Variants in EFCAB11 observed in about 807,000 individuals in gnomAD.
EFCAB11 encodes the protein EF-hand calcium binding domain 11, also known as EF-hand calcium-binding domain-containing protein 11.
Under a neutral mutation model 23.0 loss-of-function variants are expected in EFCAB11, and 14 were observed. That is an observed-to-expected ratio of 0.61 (90% CI 0.40 to 0.95). EFCAB11 has a LOEUF of 0.95. Among genes scored for constraint, EFCAB11 ranks in the 40% least tolerant of loss-of-function variants. The pLI, the probability that EFCAB11 is intolerant of heterozygous loss-of-function variation, is 0.00. For missense variants in EFCAB11, 198 were observed against 195.8 expected (o/e 1.01, Z -0.07); for synonymous variants, 65 against 66.6 (o/e 0.98, Z 0.11).
chr14:89,847,224 T>C (rs1887457183), intron 5 of EFCAB11, among the ~76,000 whole-genome samples: 1 of 152,198 alleles, frequency 6.6e-6, no homozygotes, highest in Non-Finnish European at 1.5e-5. Flanking sequence ...CCTGATGGCA[T>C]CCAAAACTGC....
chr14:89,953,010 T>G (rs1891230962), intron 2 of EFCAB11, among the ~76,000 whole-genome samples: 2 of 152,288 alleles, frequency 1.3e-5, no homozygotes, highest in Non-Finnish European at 1.5e-5. Flanking sequence ...CTTGCCCTAC[T>G]CAAGCAGGAG....
chr14:89,898,675 T>TC (rs891657647), intron 5 of EFCAB11, among the ~76,000 whole-genome samples: 15 of 149,992 alleles, frequency 1.0e-4, no homozygotes, highest in African/African-American at 3.7e-4. Flanking sequence ...TCTTTTTTTT[T>TC]TTTTTTTTTT....
chr14:89,895,742 A>G (rs1473099247), intron 5 of EFCAB11, among the ~76,000 whole-genome samples: 1 of 152,216 alleles, frequency 6.6e-6, no homozygotes, highest in East Asian at 1.9e-4. Context: ...GGGGTAATGA[A>G]GGGTTTCTTA....
At chr14:89,922,167 T>C (rs1214248639) in intron 5 of EFCAB11, among the ~76,000 whole-genome samples, 1 of 152,158 alleles carries the variant, frequency 6.6e-6, no homozygotes, top group Non-Finnish European at 1.5e-5. Flanking sequence ...TATTCAGCCA[T>C]ATATGTAGAT....
intron 5 of EFCAB11, among the ~76,000 whole-genome samples, chr14:89,926,559 A>G (rs757918104): frequency 1.1e-4 from 16 of 152,222 alleles, no homozygotes; most frequent in South Asian, 4.1e-4. Flanking sequence ...GCCAAATTGG[A>G]TGCAGCACAA....
intron 5 of EFCAB11, among the ~76,000 whole-genome samples, chr14:89,832,885 G>A (rs905748549): frequency 3.3e-5 from 5 of 151,946 alleles, no homozygotes; most frequent in African/African-American, 9.7e-5. Context: ...TAAAAGTCAC[G>A]GACCATTTGT....
chr14:89,936,063 A>G (rs1487729052), intron 3 of EFCAB11, among the ~76,000 whole-genome samples: 1 of 150,916 alleles, frequency 6.6e-6, no homozygotes, highest in East Asian at 1.9e-4. Context: ...CTGTAAATGA[A>G]TGCCAAAAAG....
chr14:89,922,574 G>A (rs1385408851), intron 5 of EFCAB11, among the ~76,000 whole-genome samples: 1 of 152,096 alleles, frequency 6.6e-6, no homozygotes, highest in Non-Finnish European at 1.5e-5. Context: ...CCTTAACATG[G>A]TGCCAGTGTG....
intron 3 of EFCAB11, among the ~76,000 whole-genome samples, chr14:89,938,983 A>C (rs1213347414): frequency 3.3e-5 from 5 of 152,028 alleles, no homozygotes; most frequent in African/African-American, 4.8e-5. Context: ...AAAAAAAAAA[A>C]AAAAACCAGT....
In EFCAB11 at chr14:89,857,038, C is replaced by G. The variant is rs140949663; in HGVS notation, c.411-59714G>C. On this transcript the variant is annotated intron_variant, in intron 5 of 5. Coordinates refer to ENST00000316738, the MANE Select transcript of EFCAB11 (RefSeq NM_145231.4). ...CCCAACACAGTTCCCTCCTAGAGTT[C>G]TCCTGGGTGCATGTGAACTGAAGCA... 4.0e-3 allele frequency among the ~76,000 whole-genome samples: 603 copies of G among 152,318 alleles called. 4 individuals carry two copies. Among genetic ancestry groups the G allele is most frequent in the African/African-American group, 0.014 (580 of 41,560 alleles).
At position 89,954,638 on chromosome 14, in the gene EFCAB11, G is replaced by A. The variant is rs763916089; in HGVS notation, c.23C>T (p.Ala8Val). Residue 8 changes from alanine to valine, a missense_variant, in exon 1 of 6, where the codon GCC (alanine) becomes GTC (valine). Coordinates refer to ENST00000316738, the MANE Select transcript of EFCAB11 (RefSeq NM_145231.4). ...ACTGGCTTCCCACGTCCGCGACCTG[G>A]CTCTGGCCTCGGAGAAGAACATCGC... is the stretch of plus-strand genomic sequence containing the variant. The part of the protein sequence containing the change: MFFSEAR[A>V]RSRTWEASPS... 1 of 1,613,110 alleles carries A rather than the reference G, an allele frequency of 6.2e-7. No individual in the cohort carries two copies. Among genetic ancestry groups the A allele is most frequent in the Non-Finnish European group, 8.5e-7 (1 of 1,179,896 alleles).
intron 2 of EFCAB11, among the ~76,000 whole-genome samples, chr14:89,952,077 T>C (rs936572394): frequency 3.3e-5 from 5 of 152,146 alleles, no homozygotes. Flanking sequence ...CTCAACCTAG[T>C]CTAAAAAAAT....
chr14:89,795,610 T>C lies in EFCAB11; in HGVS notation c.*1633A>G, dbSNP rs928163196. The C allele has an allele frequency of 1.3e-5, 2 of 151,950 alleles. No individual in the cohort carries two copies. Among genetic ancestry groups the C allele is most frequent in the Non-Finnish European group, 2.9e-5 (2 of 68,008 alleles). 9.4% of individuals were successfully genotyped at this position (151,950 alleles called of 1,614,324 possible). A position where few individuals can be genotyped will look rare whatever the true frequency, so the allele number is the denominator to read the frequency against. ...TGATCCCAGGAGGCGGAAGTTGCAG[T>C]GAGCCGAGATCGCGCACTGTACTCC... On this transcript the variant is annotated 3_prime_UTR_variant, in exon 6 of 6. Transcript: ENST00000316738.
chr14:89,857,058 G>A (rs946246838), intron 5 of EFCAB11, among the ~76,000 whole-genome samples: 36 of 152,208 alleles, frequency 2.4e-4, no homozygotes, highest in Non-Finnish European at 1.0e-4. Flanking sequence ...CATGTGAACT[G>A]AAGCAGAAAA....
chr14:89,923,784 A>C (rs779896426), intron 5 of EFCAB11: 80 of 985,336 alleles, frequency 8.1e-5, no homozygotes, highest in Non-Finnish European at 9.5e-5. Context: ...TAATGACTGG[A>C]AATTTTCTCT....
At chr14:89,853,403 G>T (rs1246746132) in intron 5 of EFCAB11, among the ~76,000 whole-genome samples, 1 of 152,154 alleles carries the variant, frequency 6.6e-6, no homozygotes, top group Non-Finnish European at 1.5e-5. Flanking sequence ...TATGTGCCAG[G>T]CATTGTGCTA....
chr14:89,813,626 G>A (rs1179410673), intron 5 of EFCAB11, among the ~76,000 whole-genome samples: 4 of 151,482 alleles, frequency 2.6e-5, no homozygotes, highest in Non-Finnish European at 5.9e-5. Flanking sequence ...CCTCCCAACC[G>A]TCCACCTCCC....
intron 5 of EFCAB11, among the ~76,000 whole-genome samples, chr14:89,862,603 A>C (rs1887958576): frequency 1.3e-5 from 2 of 152,204 alleles, no homozygotes; most frequent in East Asian, 3.8e-4. Context: ...TCATGATCAG[A>C]TTTTAGTTGT....
In EFCAB11 at chr14:89,796,155, GTTC is replaced by G. The variant is rs1456131207; in HGVS notation, c.*1085_*1087del. On this transcript the variant is annotated 3_prime_UTR_variant, in exon 6 of 6. Coordinates refer to ENST00000316738, the MANE Select transcript of EFCAB11 (RefSeq NM_145231.4). ...TTGCCCCCAGTACCCTCATCACCCT[GTTC>G]TTCCTCTGTATATAGCCCGAGAGGG... 1 of 152,368 alleles carries G rather than the reference GTTC, an allele frequency of 6.6e-6. No individual in the cohort carries two copies. Among genetic ancestry groups the G allele is most frequent in the East Asian group, 1.9e-4 (1 of 5,200 alleles). 9.4% of individuals were successfully genotyped at this position (152,368 alleles called of 1,614,324 possible). A position where few individuals can be genotyped will look rare whatever the true frequency, so the allele number is the denominator to read the frequency against.
Sources: gnomAD v4.1 joint callset for allele counts (sites outside exome capture counted in the v4.1 genomes callset) on GRCh38, gnomAD v4.1.1 for gene constraint, MANE v1.5 for transcripts, NCBI Gene and HGNC (gene_info 2026-07-23, HGNC 2026-07-21) for gene names.